The following DDIAS variants were observed in gnomAD, a reference collection of about 807,000 sequenced individuals.
DDIAS encodes DNA damage induced apoptosis suppressor, also known as DNA damage-induced apoptosis suppressor protein.
In DDIAS, 14 loss-of-function variants were observed where a neutral mutation model predicts 15.7. The ratio of observed to expected loss-of-function variants is 0.89; its 90% CI spans 0.59 to 1.39. The LOEUF is 1.39. DDIAS is among the 40% of genes most tolerant of loss of function. The pLI is 0.00. For synonymous variants in DDIAS, 355 were observed against 395.9 expected (o/e 0.90, Z 1.23); for missense variants, 1,035 against 1,130.9 (o/e 0.92, Z 1.22).
At chr11:82,921,550 T>G (rs1860747401) in intron 3 of DDIAS, among the ~76,000 whole-genome samples, 1 of 151,230 alleles carries the variant, frequency 6.6e-6, no homozygotes, top group South Asian at 2.1e-4. Flanking sequence ...GAGCTCCTTT[T>G]CACAGTTTTT....
Position 82,933,924 on chromosome 11 carries a change from T to G in DDIAS, c.2586T>G (p.Asp862Glu), listed in dbSNP as rs142973922. The G allele has an allele frequency of 6.2e-7, 1 of 1,613,586 alleles. No homozygotes were observed. The highest frequency in any genetic ancestry group is 8.5e-7 in the Non-Finnish European group (1 of 1,179,892). Residue 862 changes from aspartate (D) to glutamate (E), a missense_variant, in exon 6 of 6, where the codon GAT (aspartate) becomes GAG (glutamate). Coordinates refer to ENST00000533655, the MANE Select transcript of DDIAS (RefSeq NM_145018.4). ...PFAECHETDS[D>E]EWVPPTTQKI... ...CTGAGTGCCATGAAACTGATAGTGA[T>G]GAATGGGTCCCTCCTACCACACAAA...
chr11:82,920,919 AT>A (rs1387981002), intron 3 of DDIAS, among the ~76,000 whole-genome samples: 2 of 152,010 alleles, frequency 1.3e-5, no homozygotes, highest in African/African-American at 4.8e-5. Flanking sequence ...GTTTAAATCC[AT>A]TTTTTCTTTG....
chr11:82,905,496 C>G (rs956134241), intron 1 of DDIAS, among the ~76,000 whole-genome samples: 1 of 152,054 alleles, frequency 6.6e-6, no homozygotes, highest in Non-Finnish European at 1.5e-5. Context: ...GCCCTTAACA[C>G]TACCACCCTG....
intron 3 of DDIAS, among the ~76,000 whole-genome samples, chr11:82,925,150 T>C (rs1860833267): frequency 1.3e-5 from 2 of 152,214 alleles, no homozygotes; most frequent in South Asian, 4.1e-4. Flanking sequence ...GGTCTCTTCT[T>C]ACTAATTTTT....
intron 3 of DDIAS, chr11:82,922,747 G>A (rs1299897069): frequency 6.6e-6 from 1 of 152,002 alleles, no homozygotes; most frequent in Non-Finnish European, 1.5e-5. Flanking sequence ...TTTTTTTGGA[G>A]GTGTTAAAGA....
intron 1 of DDIAS, among the ~76,000 whole-genome samples, chr11:82,903,728 C>A (rs1860373367): frequency 6.6e-6 from 1 of 152,118 alleles, no homozygotes; most frequent in Non-Finnish European, 1.5e-5. Flanking sequence ...GACCATTAGA[C>A]AGTGTTAAGA....
chr11:82,905,498 A>G (rs1011580078), intron 1 of DDIAS, among the ~76,000 whole-genome samples: 2 of 152,114 alleles, frequency 1.3e-5, no homozygotes, highest in Non-Finnish European at 2.9e-5. Context: ...CCTTAACACT[A>G]CCACCCTGAG....
At chr11:82,906,497 AG>A (rs1411757919) in intron 1 of DDIAS, among the ~76,000 whole-genome samples, 9 of 152,158 alleles carry the variant, frequency 5.9e-5, no homozygotes, top group Non-Finnish European at 1.2e-4. Flanking sequence ...TTTATTAGTG[AG>A]TTGTCTGCCC....
chr11:82,929,033 AT>A, intron 4 of DDIAS, 95 bp downstream of exon 4: 2 of 1,353,880 alleles, frequency 1.5e-6, no homozygotes, highest in Non-Finnish European at 2.0e-6. Context: ...AAAGATAATC[AT>A]TCAACCCCAG....
At chr11:82,911,061 A>T (rs1860523160) in intron 1 of DDIAS, among the ~76,000 whole-genome samples, 1 of 152,204 alleles carries the variant, frequency 6.6e-6, no homozygotes, top group African/African-American at 2.4e-5. Context: ...AAAACACTTT[A>T]TTATTAAAAA....
intron 1 of DDIAS, among the ~76,000 whole-genome samples, chr11:82,910,751 G>A (rs1277439760): frequency 6.6e-6 from 1 of 151,668 alleles, no homozygotes; most frequent in Non-Finnish European, 1.5e-5. Context: ...AAGTAGCTGG[G>A]ACCACAAGCT....
At position 82,932,917 on chromosome 11, in the gene DDIAS, A is replaced by G. The variant is rs1861030076; in HGVS notation, c.1579A>G (p.Arg527Gly). 7 of 1,612,076 alleles carry G rather than the reference A, an allele frequency of 4.3e-6. No individual in the cohort carries two copies. Among genetic ancestry groups the G allele is most frequent in the Admixed American group, 1.7e-5 (1 of 59,886 alleles). Residue 527 changes from arginine to glycine, a missense_variant, in exon 6 of 6, where the codon AGA becomes GGA. Arg to Gly is a moderately radical substitution (Grantham distance 125, BLOSUM62 -2). Transcript: ENST00000533655. ...VEAVSVNHNG[R>G]DMSEYFLPNP... ...GGCTGTCTCTGTAAATCATAATGGA[A>G]GAGATATGTCAGAATATTTTTTACC...
At chr11:82,926,711 A>G (rs770920029) in intron 3 of DDIAS, among the ~76,000 whole-genome samples, 11 of 152,176 alleles carry the variant, frequency 7.2e-5, no homozygotes, top group Non-Finnish European at 1.6e-4. Context: ...TCATTTTAAC[A>G]AGATCTCTGG....
chr11:82,928,545 A>G (rs753896007), intron 3 of DDIAS, among the ~76,000 whole-genome samples: 6 of 151,836 alleles, frequency 4.0e-5, no homozygotes, highest in East Asian at 1.9e-4. Flanking sequence ...TTTTCCATCA[A>G]TTTGGTATGT....
intron 5 of DDIAS, among the ~76,000 whole-genome samples, chr11:82,930,866 T>G (rs1301281627): frequency 6.6e-6 from 1 of 152,146 alleles, no homozygotes; most frequent in African/African-American, 2.4e-5. Flanking sequence ...AAAAGAGGAC[T>G]CCACAACAGA....
chr11:82,925,244 A>T (rs1342962898), intron 3 of DDIAS, among the ~76,000 whole-genome samples: 2 of 152,192 alleles, frequency 1.3e-5, no homozygotes, highest in Non-Finnish European at 2.9e-5. Flanking sequence ...ATGAATTAAT[A>T]TTTTTTTGAT....
intron 1 of DDIAS, among the ~76,000 whole-genome samples, chr11:82,909,593 G>GT: frequency 6.6e-6 from 1 of 152,150 alleles, no homozygotes; most frequent in Non-Finnish European, 1.5e-5. Flanking sequence ...TCTTTTGACA[G>GT]TTGCAATGGC....
At chr11:82,906,273 T>C (rs1280668163) in intron 1 of DDIAS, among the ~76,000 whole-genome samples, 2 of 152,138 alleles carry the variant, frequency 1.3e-5, no homozygotes, top group Non-Finnish European at 2.9e-5. Context: ...CCAGGTGAAA[T>C]ACAAATAGTA....
rs754090605 is a variant in DDIAS at position 82,933,835 on chromosome 11, A to T, written c.2497A>T (p.Lys833Ter). 128 of 1,613,998 alleles carry T rather than the reference A, an allele frequency of 7.9e-5. 1 individual carries two copies. Among genetic ancestry groups the T allele is most frequent in the Non-Finnish European group, 1.1e-4 (124 of 1,179,992 alleles). Reference protein sequence around the residue: ...CPKNIKTPSQKIRSPIVSGVS... With the variant: ...CPKNIKTPSQ ...AAAAAATATAAAAACACCTAGCCAGAAAATCAGAAGCCCTATTGTATCTGG... is the reference window on the plus strand; with the variant it reads ...AAAAAATATAAAAACACCTAGCCAGTAAATCAGAAGCCCTATTGTATCTGG... Residue 833 changes from lysine to a stop codon, truncating the protein, a stop_gained, in exon 6 of 6, where the codon AAA becomes TAA. Transcript: ENST00000533655. LOFTEE classifies it low-confidence loss of function (END_TRUNC).
Sources: allele counts gnomAD v4.1 joint callset (sites outside exome capture counted in the v4.1 genomes callset), GRCh38; gene constraint gnomAD v4.1.1; transcripts MANE v1.5; gene names NCBI Gene and HGNC (gene_info 2026-07-23, HGNC 2026-07-21).